The following ZNF891 variants were observed in gnomAD, a reference collection of about 807,000 sequenced individuals.
The protein encoded by ZNF891 is hCG1646157.
For missense variants in ZNF891, 589 were observed against 632.7 expected (o/e 0.93, Z 0.74); for synonymous variants, 199 against 209.0 (o/e 0.95, Z 0.41).
chr12:133,129,968 C>T (rs1044902862), intron 1 of ZNF891, among the ~76,000 whole-genome samples: 1 of 152,170 alleles, frequency 6.6e-6, no homozygotes, highest in Non-Finnish European at 1.5e-5. Flanking sequence ...CCCCAGCGCT[C>T]CCTGCGTGGC....
Position 133,108,270 on chromosome 12 carries a change from T to C in ZNF891, c.*12014A>G, listed in dbSNP as rs944864908. 2.0e-5 allele frequency: 3 copies of C among 150,364 alleles called. No homozygotes were observed. Among genetic ancestry groups the C allele is most frequent in the African/African-American group, 5.0e-5 (2 of 39,866 alleles). 9.3% of individuals were successfully genotyped at this position (150,364 alleles called of 1,614,324 possible). A position where few individuals can be genotyped will look rare whatever the true frequency, so the allele number is the denominator to read the frequency against. ...TCTGATTTGGTGTCCTCAAGCAGCA[T>C]GCCTTATTACATATGGGTATCTAGT... On this transcript the variant is annotated 3_prime_UTR_variant, in exon 2 of 2. Coordinates refer to ENST00000537226, the MANE Select transcript of ZNF891 (RefSeq NM_001277291.2).
At chr12:133,127,565 T>A (rs1271302410) in intron 1 of ZNF891, among the ~76,000 whole-genome samples, 2 of 152,254 alleles carry the variant, frequency 1.3e-5, no homozygotes, top group African/African-American at 4.8e-5. Context: ...GAGGAAAAAG[T>A]AATTTCTAAT....
intron 1 of ZNF891, among the ~76,000 whole-genome samples, chr12:133,128,353 C>T (rs1392020785): frequency 6.6e-6 from 1 of 152,154 alleles, no homozygotes; most frequent in Non-Finnish European, 1.5e-5. Context: ...AGCAGATGGC[C>T]AGGCACGGTG....
At position 133,113,082 on chromosome 12, in the gene ZNF891, A is replaced by T. The variant is rs868046967; in HGVS notation, c.*7202T>A. 2.8e-4 allele frequency: 41 copies of T among 147,612 alleles called. No homozygotes were observed. Among genetic ancestry groups the T allele is most frequent in the African/African-American group, 9.6e-4 (39 of 40,742 alleles). 9.1% of individuals were successfully genotyped at this position (147,612 alleles called of 1,614,324 possible). ...TCAAAAAATATATATATATATATTT[A>T]TATTTATTTATTAAAAATATATTTA... On this transcript the variant is annotated 3_prime_UTR_variant, in exon 2 of 2. Transcript: ENST00000537226.
In ZNF891 at chr12:133,121,017, G is replaced by C. The variant is rs184188224; in HGVS notation, c.902C>G (p.Thr301Arg). The change falls in exon 2 of 2, where the codon ACG (threonine) becomes AGG (arginine). Residue 301 changes from threonine (T) to arginine (R), a missense_variant. Physicochemically the swap from Thr to Arg is moderately conservative, Grantham distance 71. Coordinates refer to ENST00000537226, the MANE Select transcript of ZNF891 (RefSeq NM_001277291.2). The part of the protein sequence containing the change: ...QNACECNKDE[T>R]LCHQSSLKKQ... ...CTTAAGGGATGATTGATGACACAGC[G>C]TTTCATCTTTATTACATTCACAGGC... is the stretch of plus-strand genomic sequence containing the variant. The C allele has an allele frequency of 6.5e-7, 1 of 1,535,608 alleles. No homozygotes were observed. The highest frequency in any genetic ancestry group is 8.7e-7 in the Non-Finnish European group (1 of 1,146,848).
At chr12:133,125,284 G>A (rs1282787067) in intron 1 of ZNF891, among the ~76,000 whole-genome samples, 2 of 152,092 alleles carry the variant, frequency 1.3e-5, no homozygotes, top group Non-Finnish European at 2.9e-5. Flanking sequence ...GGGACTACAG[G>A]CATACCCTCC....
At chr12:133,128,617 G>A (rs867402633) in intron 1 of ZNF891, among the ~76,000 whole-genome samples, 5 of 152,114 alleles carry the variant, frequency 3.3e-5, no homozygotes, top group African/African-American at 4.8e-5. Flanking sequence ...CTGGGCGAGA[G>A]AGAGAGACTC....
chr12:133,125,265 T>TG (rs1171986272), intron 1 of ZNF891, among the ~76,000 whole-genome samples: 2 of 152,190 alleles, frequency 1.3e-5, no homozygotes, highest in East Asian at 1.9e-4. Flanking sequence ...TCTGGCCTCC[T>TG]GAATGGCTGG....
intron 1 of ZNF891, among the ~76,000 whole-genome samples, chr12:133,127,165 C>G (rs1364895363): frequency 6.6e-6 from 1 of 151,790 alleles, no homozygotes. Context: ...TGGGGTTTCA[C>G]CATCTTGGCC....
Position 133,106,096 on chromosome 12 carries a change from T to C in ZNF891, c.*14188A>G. 1.9e-6 allele frequency: 3 copies of C among 1,614,092 alleles called. No individual in the cohort carries two copies. Among genetic ancestry groups the C allele is most frequent in the Non-Finnish European group, 2.5e-6 (3 of 1,180,002 alleles). ...GAATTCACATAGGAAAGAAACAATA[T>C]ATATGTAGGAAATGTGGTAAAGCAT... is the stretch of plus-strand genomic sequence containing the variant. On this transcript the variant is annotated 3_prime_UTR_variant, in exon 2 of 2. Transcript: ENST00000537226.
At position 133,120,860 on chromosome 12, in the gene ZNF891, A is replaced by C; in HGVS notation, c.1059T>G (p.Cys353Trp). The C allele has an allele frequency of 6.5e-7, 1 of 1,544,578 alleles. No homozygotes were observed. The highest frequency in any genetic ancestry group is 8.7e-7 in the Non-Finnish European group (1 of 1,147,834). Residue 353 changes from cysteine (C) to tryptophan (W), a missense_variant, in exon 2 of 2, where the codon TGT becomes TGG. Physicochemically the swap from Cys to Trp is radical, Grantham distance 215 (BLOSUM62 -2). Coordinates refer to ENST00000537226, the MANE Select transcript of ZNF891 (RefSeq NM_001277291.2). ...MGEKQYECKE[C>W]GKVFNDSSTL... ...TTGAGGAATCATTGAACACTTTACCACATTCTTTACATTCATATTGTTTCT... is the reference window on the plus strand; with the variant it reads ...TTGAGGAATCATTGAACACTTTACCCCATTCTTTACATTCATATTGTTTCT...
intron 1 of ZNF891, among the ~76,000 whole-genome samples, chr12:133,124,432 AAAG>A (rs910391285): frequency 2.8e-4 from 43 of 152,180 alleles, no homozygotes; most frequent in African/African-American, 9.6e-4. Flanking sequence ...CTCCAAGATG[AAAG>A]AAGGATATAT....
At chr12:133,127,873 T>C (rs1325890871) in intron 1 of ZNF891, among the ~76,000 whole-genome samples, 3 of 152,184 alleles carry the variant, frequency 2.0e-5, no homozygotes, top group African/African-American at 7.2e-5. Context: ...ACATTTTACA[T>C]AGATTTAAGA....
chr12:133,110,017 C>CT lies in ZNF891; in HGVS notation c.*10266dup, dbSNP rs1344614663. 2.5e-4 allele frequency: 38 copies of CT among 152,234 alleles called. No individual in the cohort carries two copies. Among genetic ancestry groups the CT allele is most frequent in the African/African-American group, 8.4e-4 (35 of 41,542 alleles). 9.4% of individuals were successfully genotyped at this position (152,234 alleles called of 1,614,324 possible). On this transcript the variant is annotated 3_prime_UTR_variant, in exon 2 of 2. Transcript: ENST00000537226. ...AATGGCGTGAACCTGGGAGGCGGAG[C>CT]TTGCAGTGAGCTGAGATTGCGCCAC...
rs1955730423 is a variant in ZNF891 at position 133,118,829 on chromosome 12, A to G, written c.*1455T>C. Reference sequence around the variant, plus strand: ...TACTTTTTTTCTATGTTCCTCTTCAAATGTGTACATCCAACATAAAACATT... The same window carrying G: ...TACTTTTTTTCTATGTTCCTCTTCAGATGTGTACATCCAACATAAAACATT... On this transcript the variant is annotated 3_prime_UTR_variant, in exon 2 of 2. Transcript: ENST00000537226. The G allele has an allele frequency of 6.6e-6, 1 of 152,172 alleles. No homozygotes were observed. Among genetic ancestry groups the G allele is most frequent in the African/African-American group, 2.4e-5 (1 of 41,436 alleles). 9.4% of individuals were successfully genotyped at this position (152,172 alleles called of 1,614,324 possible). A position where few individuals can be genotyped will look rare whatever the true frequency, so the allele number is the denominator to read the frequency against.
rs1430935059 is a variant in ZNF891, at chr12:133,112,860, C to G, written c.*7424G>C. 6.6e-6 allele frequency: 1 copy of G among 151,996 alleles called. No homozygotes were observed. Among genetic ancestry groups the G allele is most frequent in the Admixed American group, 6.6e-5 (1 of 15,264 alleles). The allele number at this position is 151,996 out of a possible 1,614,324, so 9.4% of individuals were successfully genotyped here. A position where few individuals can be genotyped will look rare whatever the true frequency, so the allele number is the denominator to read the frequency against. On this transcript the variant is annotated 3_prime_UTR_variant, in exon 2 of 2. Transcript: ENST00000537226. ...AGATCACGAGGTCAGGAGATCGAGA[C>G]CATCCTGGCTAATACGGTGAAACCC...
rs1023892479 is a variant in ZNF891, at chr12:133,116,798, A to G, written c.*3486T>C. The G allele has an allele frequency of 6.6e-6, 1 of 152,240 alleles. No homozygotes were observed. Among genetic ancestry groups the G allele is most frequent in the African/African-American group, 2.4e-5 (1 of 41,464 alleles). The allele number at this position is 152,240 out of a possible 1,614,324, so 9.4% of individuals were successfully genotyped here. ...CCTGAACATTTCCTTTCATTAATTT[A>G]AACTTGGCTGTTCCCTGGGAAGGAA... On this transcript the variant is annotated 3_prime_UTR_variant, in exon 2 of 2. Transcript: ENST00000537226.
intron 1 of ZNF891, among the ~76,000 whole-genome samples, chr12:133,124,757 TGCTCTCAGTC>T (rs1455889096): frequency 4.8e-5 from 7 of 145,380 alleles, no homozygotes; most frequent in Non-Finnish European, 1.1e-4. Context: ...CCTTTTATAT[TGCTCTCAGTC>T]TTTAGCATAC....
intron 1 of ZNF891, among the ~76,000 whole-genome samples, chr12:133,129,502 C>CAAA (rs35653414): frequency 0.02 from 1,852 of 92,594 alleles, 61 homozygotes; most frequent in African/African-American, 0.057. Flanking sequence ...AACTCTGTCT[C>CAAA]AAAAAAAAAA....
Sources: allele counts gnomAD v4.1 joint callset (sites outside exome capture counted in the v4.1 genomes callset), GRCh38; gene constraint gnomAD v4.1.1; transcripts MANE v1.5; gene names NCBI Gene and HGNC (gene_info 2026-07-23, HGNC 2026-07-21).